The following TRIM63 variants were observed in gnomAD, a reference collection of about 807,000 sequenced individuals.
TRIM63 encodes the protein E3 ubiquitin-protein ligase TRIM63.
In TRIM63, 48 loss-of-function variants were observed where a neutral mutation model predicts 46.0. The observed-to-expected ratio is 1.04, with a 90% confidence interval of 0.83 to 1.33. The LOEUF (loss-of-function observed/expected upper bound fraction) is 1.33. Among genes scored for constraint, TRIM63 ranks in the 40% most tolerant of loss-of-function variants. The probability of loss-of-function intolerance (pLI) is 0.00; values close to 1 mark genes in which losing one functional copy is unlikely to be tolerated. For synonymous variants in TRIM63, 175 were observed against 162.8 expected (o/e 1.08, Z -0.57); for missense variants, 455 against 441.2 (o/e 1.03, Z -0.28).
rs2050677124 is a variant in TRIM63, at chr1:26,066,325, A to G, written c.275T>C (p.Leu92Pro). Reference protein sequence around the residue: ...VIMDRHGVYGLQRNLLVENII... With the variant: ...VIMDRHGVYGPQRNLLVENII... ...GTTCTCCACCAGCAGGTTCCTCTGC[A>G]GGCCGTACACTCCGTGACGATCCAT... The change falls in exon 2 of 9, where the codon CTG (leucine) becomes CCG (proline). Residue 92 changes from leucine to proline, a missense_variant. Leu to Pro is a moderately conservative substitution (Grantham distance 98, BLOSUM62 -3). Transcript: ENST00000374272. 6.2e-7 allele frequency: 1 copy of G among 1,614,054 alleles called. No homozygotes were observed. Among genetic ancestry groups the G allele is most frequent in the Admixed American group, 1.7e-5 (1 of 60,004 alleles).
intron 5 of TRIM63, among the ~76,000 whole-genome samples, 162 bp downstream of exon 5, chr1:26,058,228 G>A (rs183137696): frequency 2.0e-5 from 3 of 152,280 alleles, no homozygotes; most frequent in African/African-American, 7.2e-5. Flanking sequence ...AGAGGAAGGT[G>A]GGGGGTGTTA....
At position 26,060,366 on chromosome 1, in the gene TRIM63, A is replaced by G; in HGVS notation, c.502-5T>C. ...GATACAGTTATTCAGTTCAGTCTAGATGGGGGTGTGGGGGTCAGGAGAGGA... is the reference window on the plus strand; with the variant it reads ...GATACAGTTATTCAGTTCAGTCTAGGTGGGGGTGTGGGGGTCAGGAGAGGA... On this transcript the variant is annotated splice_polypyrimidine_tract_variant and splice_region_variant and intron_variant, in intron 3 of 8. Transcript: ENST00000374272. The G allele has an allele frequency of 1.9e-6, 3 of 1,613,034 alleles. No individual in the cohort carries two copies. The highest frequency in any genetic ancestry group is 2.5e-6 in the Non-Finnish European group (3 of 1,179,316).
intron 2 of TRIM63, 105 bp from the exon 3 acceptor site, chr1:26,061,439 G>A: frequency 8.0e-7 from 1 of 1,245,748 alleles, no homozygotes; most frequent in Non-Finnish European, 1.1e-6. Context: ...GAGGCAGGAG[G>A]ATTGCTCAGC....
At chr1:26,053,794 T>G in intron 8 of TRIM63, 99 bp downstream of exon 8, 1 of 906,488 alleles carries the variant, frequency 1.1e-6, no homozygotes, top group South Asian at 1.5e-5. Context: ...CTGAGCGTCA[T>G]TGCCAATGTC....
intron 7 of TRIM63, among the ~76,000 whole-genome samples, chr1:26,056,130 C>T (rs78666955): frequency 6.6e-6 from 1 of 152,346 alleles, no homozygotes; most frequent in Non-Finnish European, 1.5e-5. Context: ...ACGCAACAGT[C>T]AGCAATGTGG....
At position 26,058,416 on chromosome 1, in the gene TRIM63, C is replaced by G. The variant is rs61749355; in HGVS notation, c.805G>C (p.Glu269Gln). 1.9e-6 allele frequency: 3 copies of G among 1,614,162 alleles called. No individual in the cohort carries two copies. The East Asian group carries it at 6.7e-5, about 36-fold the overall frequency. The change falls in exon 5 of 9, where the codon GAG (glutamate) becomes CAG (glutamine). Residue 269 changes from glutamate (E) to glutamine (Q), a missense_variant. Transcript: ENST00000374272. The stretch of plus-strand genomic sequence containing the variant: ...AAGAGGAAGGTGGCTCCCCCAGGCT[C>G]GTCCAGGGACTGGATGGCAGTTTCC... ...LVETAIQSLD[E>Q]PGGATFLLTA... is the part of the protein sequence containing the mutation.
intron 2 of TRIM63, among the ~76,000 whole-genome samples, chr1:26,062,780 G>C (rs944912491): frequency 6.6e-6 from 1 of 152,014 alleles, no homozygotes; most frequent in Non-Finnish European, 1.5e-5. Context: ...TTTTGTTGTT[G>C]TGTTGTTCTG....
In TRIM63 at chr1:26,067,381, C is replaced by T. The variant is rs557301408; in HGVS notation, c.114G>A (p.Pro38=). The T allele has an allele frequency of 4.0e-5, 65 of 1,614,172 alleles. No individual in the cohort carries two copies. Among genetic ancestry groups the T allele is most frequent in the South Asian group, 4.4e-5 (4 of 91,080 alleles). The part of the protein sequence containing the change: ...EMFTKPVVIL[P]CQHNLCRKCA... ...ACTTCCGGCACAGGTTGTGCTGGCACGGCAAGATGACCACTGGCTTGGTAA... is the reference window on the plus strand; with the variant it reads ...ACTTCCGGCACAGGTTGTGCTGGCATGGCAAGATGACCACTGGCTTGGTAA... The change falls in exon 1 of 9, where the codon CCG becomes CCA. Residue 38 remains proline (P), a synonymous_variant. Transcript: ENST00000374272.
Position 26,067,488 on chromosome 1 carries a change from A to C in TRIM63, c.7T>G (p.Tyr3Asp). The C allele has an allele frequency of 6.2e-7, 1 of 1,614,010 alleles. No individual in the cohort carries two copies. The highest frequency in any genetic ancestry group is 2.2e-5 in the East Asian group (1 of 44,872). ...CCATCCTGGATCAGGCTCGACTTATAATCCATTCTGTGGGAAGGAATGAGA... is the reference window on the plus strand; with the variant it reads ...CCATCCTGGATCAGGCTCGACTTATCATCCATTCTGTGGGAAGGAATGAGA... MDYKSSLIQDGNP... is the reference protein window; with the variant it reads MDDKSSLIQDGNP... The change falls in exon 1 of 9, where the codon TAT (tyrosine) becomes GAT (aspartate). Residue 3 changes from tyrosine to aspartate, a missense_variant. Tyr to Asp is a radical substitution (Grantham distance 160, BLOSUM62 -3). Coordinates refer to ENST00000374272, the MANE Select transcript of TRIM63 (RefSeq NM_032588.4).
Position 26,060,321 on chromosome 1 carries a change from T to C in TRIM63, c.542A>G (p.Asn181Ser), listed in dbSNP as rs780477252. Residue 181 changes from asparagine to serine, a missense_variant, in exon 4 of 9, where the codon AAT (asparagine) becomes AGT (serine). Coordinates refer to ENST00000374272, the MANE Select transcript of TRIM63 (RefSeq NM_032588.4). ...NNCISMLVAG[N>S]DRVQTIITQL... is the part of the protein sequence containing the mutation. ...AGTGATGATGGTCTGCACACGGTCA[T>C]TCCCCGCCACCAGCATGGAGATACA... The C allele has an allele frequency of 1.1e-5, 18 of 1,614,012 alleles. No homozygotes were observed. Among genetic ancestry groups the C allele is most frequent in the Non-Finnish European group, 1.5e-5 (18 of 1,179,976 alleles).
Position 26,059,040 on chromosome 1 carries a change from T to A in TRIM63, c.598-417A>T, listed in dbSNP as rs976983379. On this transcript the variant is annotated intron_variant, in intron 4 of 8. Coordinates refer to ENST00000374272, the MANE Select transcript of TRIM63 (RefSeq NM_032588.4). Reference sequence around the variant, plus strand: ...CTGTTGCCCTTTTTTTTTTTTTTTTTTTGAGATGGAGTCTCGCTCTGTTGC... The same window carrying A: ...CTGTTGCCCTTTTTTTTTTTTTTTTATTGAGATGGAGTCTCGCTCTGTTGC... Among the ~76,000 whole-genome samples, 13 of 150,360 alleles carry A rather than the reference T, an allele frequency of 8.6e-5. No homozygotes were observed. In the South Asian group the frequency reaches 1.9e-3, roughly 22 times the overall value.
chr1:26,054,963 C>T (rs997406344), intron 7 of TRIM63, among the ~76,000 whole-genome samples: 3 of 135,820 alleles, frequency 2.2e-5, no homozygotes, highest in South Asian at 2.3e-4. Context: ...AGCAAAACTC[C>T]GTCTCAAAAA....
chr1:26,057,250 T>C lies in TRIM63; in HGVS notation c.932A>G (p.Asp311Gly), dbSNP rs761006975. 10 of 1,614,030 alleles carry C rather than the reference T, an allele frequency of 6.2e-6. No individual in the cohort carries two copies. The highest frequency in any genetic ancestry group is 1.3e-5 in the African/African-American group (1 of 74,902). Residue 311 changes from aspartate (D) to glycine (G), a missense_variant, in exon 7 of 9, where the codon GAT becomes GGT. Physicochemically the swap from Asp to Gly is moderately conservative, Grantham distance 94. Coordinates refer to ENST00000374272, the MANE Select transcript of TRIM63 (RefSeq NM_032588.4). ...GFENMDFFTL[D>G]LEHIADALRA... The stretch of plus-strand genomic sequence containing the variant: ...CAGGGCGTCTGCTATGTGCTCTAAA[T>C]CCAAAGTAAAGAAGTCCATGTTCTC...
chr1:26,060,372 G>C lies in TRIM63; in HGVS notation c.502-11C>G, dbSNP rs543839297. The C allele has an allele frequency of 7.4e-6, 12 of 1,611,390 alleles. No individual in the cohort carries two copies. In the East Asian group the frequency reaches 2.5e-4, roughly 33 times the overall value. On this transcript the variant is annotated splice_polypyrimidine_tract_variant and intron_variant, in intron 3 of 8. Coordinates refer to ENST00000374272, the MANE Select transcript of TRIM63 (RefSeq NM_032588.4). ...GTTATTCAGTTCAGTCTAGATGGGGGTGTGGGGGTCAGGAGAGGAGAGACA... is the reference window on the plus strand; with the variant it reads ...GTTATTCAGTTCAGTCTAGATGGGGCTGTGGGGGTCAGGAGAGGAGAGACA...
chr1:26,061,411 G>T, intron 2 of TRIM63, 77 bp from the exon 3 acceptor site: 1 of 1,498,252 alleles, frequency 6.7e-7, no homozygotes. Context: ...TGCACCAGTC[G>T]CAGCTACTGG....
At chr1:26,059,768 C>T (rs1331318862) in intron 4 of TRIM63, among the ~76,000 whole-genome samples, 2 of 152,168 alleles carry the variant, frequency 1.3e-5, no homozygotes, top group African/African-American at 4.8e-5. Flanking sequence ...AACAGTCTCA[C>T]TACTCAACAT....
chr1:26,061,174 C>G lies in TRIM63; in HGVS notation c.493G>C (p.Gly165Arg), dbSNP rs757143396. 1.2e-6 allele frequency: 2 copies of G among 1,613,574 alleles called. No individual in the cohort carries two copies. Among genetic ancestry groups the G allele is most frequent in the Admixed American group, 1.7e-5 (1 of 59,978 alleles). Residue 165 changes from glycine (G) to arginine (R), a missense_variant, in exon 3 of 9, where the codon GGA becomes CGA. Coordinates refer to ENST00000374272, the MANE Select transcript of TRIM63 (RefSeq NM_032588.4). The stretch of plus-strand genomic sequence containing the variant: ...GTGGCTGGAGACAGTACCTTTTGTC[C>G]CTGGAAGACACTCTGCAATGGGGCC... ...EVAPLQSVFQGQKTELNNCIS... is the reference protein window; with the variant it reads ...EVAPLQSVFQRQKTELNNCIS...
intron 2 of TRIM63, among the ~76,000 whole-genome samples, chr1:26,065,584 G>C (rs143437982): frequency 3.7e-4 from 56 of 152,266 alleles, no homozygotes; most frequent in African/African-American, 1.3e-3. Flanking sequence ...TGGGATTATG[G>C]GCATGAGCCA....
At chr1:26,056,258 C>A (rs373117123) in intron 7 of TRIM63, among the ~76,000 whole-genome samples, 8 of 152,284 alleles carry the variant, frequency 5.3e-5, no homozygotes, top group African/African-American at 1.7e-4. Flanking sequence ...GTTATTTTCA[C>A]CCTTATTATT....
Sources: allele counts gnomAD v4.1 joint callset (sites outside exome capture counted in the v4.1 genomes callset), GRCh38; gene constraint gnomAD v4.1.1; transcripts MANE v1.5; gene names NCBI Gene and HGNC (gene_info 2026-07-23, HGNC 2026-07-21).